GRID2: variants seen among roughly 807,000 people sequenced by gnomAD.
GRID2 encodes glutamate receptor ionotropic, delta-2.
Under a neutral mutation model 114.8 loss-of-function variants are expected in GRID2, and 33 were observed. The ratio of observed to expected loss-of-function variants is 0.29; its 90% confidence interval spans 0.22 to 0.38. The LOEUF is 0.38. GRID2 is among the 10% of genes least tolerant of loss of function. The pLI is 1.00. For synonymous variants in GRID2, 505 were observed against 449.9 expected (o/e 1.12, Z -1.55); for missense variants, 1,184 against 1,257.7 (o/e 0.94, Z 0.89).
At chr4:92,515,167 C>T (rs1322278545) in intron 1 of GRID2, among the ~76,000 whole-genome samples, 1 of 151,778 alleles carries the variant, frequency 6.6e-6, no homozygotes, top group African/African-American at 2.4e-5. Context: ...TTTTTAATTT[C>T]ATTTCTGATT....
chr4:93,803,459 C>T (rs1428219759), intron 1 of GRID2, among the ~76,000 whole-genome samples: 2 of 152,132 alleles, frequency 1.3e-5, no homozygotes, highest in African/African-American at 2.4e-5. Context: ...TGCGGTGGCT[C>T]GCACCTGTAA....
At chr4:93,050,427 G>A (rs1183124295) in intron 2 of GRID2, among the ~76,000 whole-genome samples, 1 of 151,790 alleles carries the variant, frequency 6.6e-6, no homozygotes, top group Non-Finnish European at 1.5e-5. Flanking sequence ...GTAATCAGCA[G>A]CTGCTGAAAG....
chr4:92,588,065 T>C (rs1053335761), intron 1 of GRID2, among the ~76,000 whole-genome samples: 1 of 152,194 alleles, frequency 6.6e-6, no homozygotes, highest in Non-Finnish European at 1.5e-5. Flanking sequence ...TCATACTTCC[T>C]AACAAACTAT....
At chr4:92,517,430 G>A (rs1003423490) in intron 1 of GRID2, among the ~76,000 whole-genome samples, 3 of 151,850 alleles carry the variant, frequency 2.0e-5, no homozygotes, top group African/African-American at 7.2e-5. Flanking sequence ...AGGATATAAT[G>A]ATACTTTGTA....
At position 92,637,230 on chromosome 4, in the gene GRID2, A is replaced by T. The variant is rs1016576394; in HGVS notation, c.244+46944A>T. On this transcript the variant is annotated intron_variant, in intron 2 of 15. Transcript: ENST00000282020. ...ACTATGCAGATTTTTTTAAATTTAC[A>T]TTTGCTACTTTTTAGTAGCCTTTAA... 3.3e-5 allele frequency among the ~76,000 whole-genome samples: 5 copies of T among 152,074 alleles called. No homozygotes were observed. In the South Asian group the frequency reaches 1.0e-3, roughly 31 times the overall value.
chr4:92,958,854 T>C (rs1176567035), intron 2 of GRID2, among the ~76,000 whole-genome samples: 1 of 152,014 alleles, frequency 6.6e-6, no homozygotes, highest in East Asian at 1.9e-4. Context: ...TTGGTAAATA[T>C]TCACCTATTC....
At chr4:92,352,754 G>A (rs1728130465) in intron 1 of GRID2, among the ~76,000 whole-genome samples, 1 of 151,698 alleles carries the variant, frequency 6.6e-6, no homozygotes, top group Admixed American at 6.6e-5. Flanking sequence ...TACTTTAATT[G>A]GGTTGTTTAA....
At chr4:92,750,247 C>T (rs142342329) in intron 2 of GRID2, among the ~76,000 whole-genome samples, 2 of 152,128 alleles carry the variant, frequency 1.3e-5, no homozygotes, top group Non-Finnish European at 2.9e-5. Flanking sequence ...CTAGCTTATC[C>T]GCTGAACCCA....
At chr4:92,507,559 T>TA (rs1724040119) in intron 1 of GRID2, among the ~76,000 whole-genome samples, 1 of 151,956 alleles carries the variant, frequency 6.6e-6, no homozygotes, top group Non-Finnish European at 1.5e-5. Context: ...CAGTTTTTTT[T>TA]AATTGAATAA....
At chr4:93,217,643 G>C (rs1744390572) in intron 6 of GRID2, among the ~76,000 whole-genome samples, 1 of 151,670 alleles carries the variant, frequency 6.6e-6, no homozygotes, top group African/African-American at 2.4e-5. Context: ...ACAACAGCAG[G>C]GAGCCTTAAG....
chr4:92,820,281 A>G (rs1030280782), intron 2 of GRID2, among the ~76,000 whole-genome samples: 3 of 152,122 alleles, frequency 2.0e-5, no homozygotes, highest in African/African-American at 7.2e-5. Flanking sequence ...TCTAGAAACT[A>G]AGAATTAATA....
intron 2 of GRID2, among the ~76,000 whole-genome samples, chr4:92,660,562 C>G (rs796402942): frequency 6.6e-6 from 1 of 151,154 alleles, no homozygotes; most frequent in African/African-American, 2.4e-5. Flanking sequence ...AAGAGTCTTA[C>G]GTTTTATACT....
At chr4:93,644,640 A>C (rs1192397521) in intron 14 of GRID2, among the ~76,000 whole-genome samples, 1 of 152,092 alleles carries the variant, frequency 6.6e-6, no homozygotes, top group Non-Finnish European at 1.5e-5. Context: ...TACTAGTATT[A>C]ATTTCCTCTT....
chr4:92,463,494 T>C (rs963978595), intron 1 of GRID2, among the ~76,000 whole-genome samples: 1 of 151,970 alleles, frequency 6.6e-6, no homozygotes, highest in East Asian at 1.9e-4. Context: ...AACTCAAAAC[T>C]CCACTGTCTC....
intron 13 of GRID2, among the ~76,000 whole-genome samples, chr4:93,536,646 TC>T (rs1244235792): frequency 8.0e-5 from 6 of 74,624 alleles, no homozygotes; most frequent in African/African-American, 2.9e-4. Context: ...ATTTTTGACT[TC>T]TTTTTTTTTT....
chr4:92,655,096 T>C (rs1376877757), intron 2 of GRID2, among the ~76,000 whole-genome samples: 3 of 152,058 alleles, frequency 2.0e-5, no homozygotes, highest in Non-Finnish European at 2.9e-5. Flanking sequence ...TCCAGTCTCA[T>C]TCTTCTGCAT....
chr4:92,426,887 T>C (rs1477565912), intron 1 of GRID2, among the ~76,000 whole-genome samples: 1 of 152,102 alleles, frequency 6.6e-6, no homozygotes, highest in African/African-American at 2.4e-5. Context: ...GAAAATCATA[T>C]TTAGTAGGTG....
At chr4:93,644,870 A>G (rs932299758) in intron 14 of GRID2, among the ~76,000 whole-genome samples, 1 of 151,754 alleles carries the variant, frequency 6.6e-6, no homozygotes, top group Non-Finnish European at 1.5e-5. Context: ...ATGCTTTTTG[A>G]TCAGTTTGAA....
intron 13 of GRID2, among the ~76,000 whole-genome samples, chr4:93,613,687 T>A (rs1409608505): frequency 2.3e-4 from 32 of 141,398 alleles, no homozygotes; most frequent in Admixed American, 1.6e-3. Flanking sequence ...CTCCAGCTGC[T>A]TGCTGGGAGA....
Sources: allele counts gnomAD v4.1 joint callset (sites outside exome capture counted in the v4.1 genomes callset), GRCh38; gene constraint gnomAD v4.1.1; transcripts MANE v1.5; gene names NCBI Gene and HGNC (gene_info 2026-07-23, HGNC 2026-07-21).